The following WWOX variants were observed in gnomAD, a reference collection of about 807,000 sequenced individuals.
The protein encoded by WWOX is WW domain containing oxidoreductase.
Under a neutral mutation model 46.2 loss-of-function variants are expected in WWOX, and 69 were observed. The ratio of observed to expected loss-of-function variants is 1.49; its 90% CI spans 1.23 to 1.82. The LOEUF (loss-of-function observed/expected upper bound fraction) is 1.82, where lower values mean the gene tolerates loss of function less well. Among genes scored for constraint, WWOX ranks in the 40% most tolerant of loss-of-function variants. The pLI is 0.00. For missense variants in WWOX, 919 were observed against 542.6 expected (o/e 1.69, Z -6.89); for synonymous variants, 359 against 202.6 (o/e 1.77, Z -6.56).
At chr16:78,562,917 A>G (rs1219088574) in intron 8 of WWOX, among the ~76,000 whole-genome samples, 2 of 152,148 alleles carry the variant, frequency 1.3e-5, no homozygotes, top group African/African-American at 2.4e-5. Flanking sequence ...AATTACATAA[A>G]GAGAACTTGA....
intron 8 of WWOX, among the ~76,000 whole-genome samples, chr16:78,879,296 A>G (rs1197418995): frequency 1.3e-5 from 2 of 152,198 alleles, no homozygotes; most frequent in African/African-American, 4.8e-5. Flanking sequence ...AGTATGAGAC[A>G]CCGTAAGAGC....
chr16:78,623,695 C>G (rs1343865419), intron 8 of WWOX, among the ~76,000 whole-genome samples: 1 of 149,406 alleles, frequency 6.7e-6, no homozygotes, highest in Non-Finnish European at 1.5e-5. Context: ...AGTCATGTCA[C>G]TGCACCTCCA....
At chr16:78,402,640 T>A (rs149327916) in intron 6 of WWOX, among the ~76,000 whole-genome samples, 2,611 of 152,168 alleles carry the variant, frequency 0.017, 38 homozygotes, top group Non-Finnish European at 0.023. Flanking sequence ...CAGGAAGCAT[T>A]TTTCCTGGGG....
rs142272569 is a variant in WWOX at position 78,335,800 on chromosome 16, A to C, written c.517-51060A>C. On this transcript the variant is annotated intron_variant, in intron 5 of 8. Transcript: ENST00000566780. ...GGTGGGCCCCAAAACTTGCGTTTCT[A>C]AAAGGTACTAGCTGAGCATGATGAC... Among the ~76,000 whole-genome samples, 34 of 152,282 alleles carry C rather than the reference A, an allele frequency of 2.2e-4. 1 individual carries two copies. In the East Asian group the frequency reaches 6.4e-3, roughly 29 times the overall value.
In WWOX at chr16:79,212,331, AG is replaced by A; in HGVS notation, c.*536del. ...GAGACAAATCTCAGAACCTTGTCCCAGCCAGTGAGGATGACAGTGACACCCA... is the reference window on the plus strand; with the variant it reads ...GAGACAAATCTCAGAACCTTGTCCCACCAGTGAGGATGACAGTGACACCCA... On this transcript the variant is annotated 3_prime_UTR_variant, in exon 9 of 9. Coordinates refer to ENST00000566780, the MANE Select transcript of WWOX (RefSeq NM_016373.4). 1.4e-6 allele frequency: 1 copy of A among 738,822 alleles called. No individual in the cohort carries two copies. 45.8% of individuals were successfully genotyped at this position (738,822 alleles called of 1,614,324 possible).
chr16:78,374,527 A>ATTTTTTTTT (rs541225697), intron 5 of WWOX, among the ~76,000 whole-genome samples: 32 of 70,898 alleles, frequency 4.5e-4, no homozygotes, highest in Non-Finnish European at 6.2e-4. Flanking sequence ...TCTGTCTTGA[A>ATTTTTTTTT]TTTTTTTTTT....
chr16:78,874,671 A>C (rs1353084279), intron 8 of WWOX, among the ~76,000 whole-genome samples: 1 of 149,924 alleles, frequency 6.7e-6, no homozygotes, highest in East Asian at 2.0e-4. Flanking sequence ...GTCTGTGACC[A>C]GAAGATTTTT....
At chr16:79,092,203 GC>G (rs1157307241) in intron 8 of WWOX, among the ~76,000 whole-genome samples, 1 of 152,130 alleles carries the variant, frequency 6.6e-6, no homozygotes, top group Non-Finnish European at 1.5e-5. Context: ...TGTGCAGGGA[GC>G]CATTTATGAC....
rs537634845 is a variant in WWOX at position 78,882,307 on chromosome 16, T to C, written c.1057-329301T>C. Among the ~76,000 whole-genome samples the C allele has an allele frequency of 2.3e-4, 35 of 152,300 alleles. No individual in the cohort carries two copies. In the South Asian group the frequency reaches 5.6e-3, roughly 24 times the overall value. ...GACAGTATTTGTATCATCATTTCATTGTTCCTGGAAAACAGGTTCAGAGAA... is the reference window on the plus strand; with the variant it reads ...GACAGTATTTGTATCATCATTTCATCGTTCCTGGAAAACAGGTTCAGAGAA... On this transcript the variant is annotated intron_variant, in intron 8 of 8. Transcript: ENST00000566780.
chr16:79,167,828 G>A (rs556637800), intron 8 of WWOX, among the ~76,000 whole-genome samples: 95 of 152,198 alleles, frequency 6.2e-4, no homozygotes, highest in Non-Finnish European at 1.0e-3. Context: ...TTATGCCACC[G>A]TCACCTCTTT....
chr16:78,136,747 A>ACCTAACTGGG (rs1223785948), intron 4 of WWOX, among the ~76,000 whole-genome samples: 2 of 152,232 alleles, frequency 1.3e-5, no homozygotes, highest in Admixed American at 6.5e-5. Flanking sequence ...ACTGAGCAGT[A>ACCTAACTGGG]AGACCACCCA....
chr16:79,036,265 C>T (rs1319202039), intron 8 of WWOX, among the ~76,000 whole-genome samples: 3 of 152,160 alleles, frequency 2.0e-5, no homozygotes, highest in Non-Finnish European at 2.9e-5. Context: ...CTACTTTTTG[C>T]CCTGACTCCC....
At chr16:79,039,710 A>C (rs1159261595) in intron 8 of WWOX, among the ~76,000 whole-genome samples, 1 of 152,176 alleles carries the variant, frequency 6.6e-6, no homozygotes, top group African/African-American at 2.4e-5. Context: ...GAGCAGGGTG[A>C]TGCTAGATGG....
intron 8 of WWOX, among the ~76,000 whole-genome samples, chr16:78,712,608 A>G (rs916445091): frequency 2.6e-5 from 4 of 152,154 alleles, no homozygotes; most frequent in Non-Finnish European, 5.9e-5. Flanking sequence ...CCTGCTCTCA[A>G]AGACATTTTT....
intron 8 of WWOX, among the ~76,000 whole-genome samples, chr16:78,908,623 C>T (rs1330789421): frequency 6.6e-6 from 1 of 151,842 alleles, no homozygotes; most frequent in African/African-American, 2.4e-5. Flanking sequence ...AAGTCTCCCC[C>T]AAAACTCAGG....
At chr16:78,248,217 GA>G (rs1410322753) in intron 5 of WWOX, among the ~76,000 whole-genome samples, 1 of 152,122 alleles carries the variant, frequency 6.6e-6, no homozygotes, top group Non-Finnish European at 1.5e-5. Context: ...GAGGCCTCAG[GA>G]AACTTACAAT....
intron 8 of WWOX, among the ~76,000 whole-genome samples, chr16:78,734,675 T>G (rs2049043280): frequency 6.6e-6 from 1 of 151,810 alleles, no homozygotes; most frequent in Admixed American, 6.6e-5. Flanking sequence ...TCTGTGAGTG[T>G]GTTTCTGGGT....
Position 78,651,256 on chromosome 16 carries a change from A to T in WWOX, c.1056+218504A>T, listed in dbSNP as rs2046959790. Among the ~76,000 whole-genome samples the T allele has an allele frequency of 2.0e-5, 3 of 152,282 alleles. No homozygotes were observed. The South Asian group carries it at 6.2e-4, about 31-fold the overall frequency. ...CATCCCTGGCATGCTTAAACAAGAA[A>T]GGCAAATGAGAGAGAGCGAGTGAGT... On this transcript the variant is annotated intron_variant, in intron 8 of 8. Transcript: ENST00000566780.
chr16:78,729,183 AAAT>A (rs1189172375), intron 8 of WWOX, among the ~76,000 whole-genome samples: 1 of 151,870 alleles, frequency 6.6e-6, no homozygotes. Context: ...TCCGTAAAAA[AAAT>A]AAAAAATTAG....
Sources: gnomAD v4.1 joint callset for allele counts (sites outside exome capture counted in the v4.1 genomes callset) on GRCh38, gnomAD v4.1.1 for gene constraint, MANE v1.5 for transcripts, NCBI Gene and HGNC (gene_info 2026-07-23, HGNC 2026-07-21) for gene names.